Variants in PCDH1 observed in about 807,000 individuals in gnomAD.
PCDH1 encodes the protein protocadherin-1.
PCDH1 carries 23 observed loss-of-function variants against 74.6 expected under a neutral mutation model. The ratio of observed to expected loss-of-function variants is 0.31; its 90% CI spans 0.22 to 0.44. PCDH1 has a LOEUF of 0.44. Ranked by LOEUF, PCDH1 falls within the 20% of genes least tolerant of loss-of-function variation. PCDH1 has a pLI of 1.00. For missense variants in PCDH1, 1,214 were observed against 1,641.4 expected (o/e 0.74, Z 4.50); for synonymous variants, 647 against 686.1 (o/e 0.94, Z 0.89).
At position 141,868,057 on chromosome 5, in the gene PCDH1, C is replaced by T. The variant is rs1752927125; in HGVS notation, c.903+512G>A. Among the ~76,000 whole-genome samples the T allele has an allele frequency of 6.6e-6, 1 of 152,220 alleles. No homozygotes were observed. Among genetic ancestry groups the T allele is most frequent in the Non-Finnish European group, 1.5e-5 (1 of 68,022 alleles). ...CACCCTAGTATGTTTTTTCAGAACT[C>T]TGAGGGTCCCACCTGGCTAAAATGA... On this transcript the variant is annotated intron_variant, in intron 2 of 4. Coordinates refer to ENST00000287008, the MANE Select transcript of PCDH1 (RefSeq NM_032420.5). This position sits in a 1 kb window ranked among gnomAD's most constrained non-coding sequence, Gnocchi z 4.8.
At chr5:141,855,217 C>A (rs56143201) in intron 4 of PCDH1, among the ~76,000 whole-genome samples, 9 of 152,012 alleles carry the variant, frequency 5.9e-5, no homozygotes, top group African/African-American at 1.9e-4. Context: ...TCAAGCAATC[C>A]GCCTGCCTCA....
chr5:141,858,824 A>G (rs559814213), intron 3 of PCDH1, among the ~76,000 whole-genome samples: 1 of 152,084 alleles, frequency 6.6e-6, no homozygotes, highest in South Asian at 2.1e-4. Context: ...GTCTTACTCT[A>G]TAACTCTGGA....
rs750406198 is a variant in PCDH1, at chr5:141,868,719, C to T, written c.753G>A (p.Lys251=). The T allele has an allele frequency of 6.2e-7, 1 of 1,614,104 alleles. No individual in the cohort carries two copies. Among genetic ancestry groups the T allele is most frequent in the East Asian group, 2.2e-5 (1 of 44,862 alleles). ...ERWDSYDLTI[K]VQDGGSPPRA... is the part of the protein sequence containing the mutation. ...GTGGGGGGCTGCCGCCATCCTGCACCTTGATGGTGAGGTCATAGGAGTCCC... is the reference window on the plus strand; with the variant it reads ...GTGGGGGGCTGCCGCCATCCTGCACTTTGATGGTGAGGTCATAGGAGTCCC... The change falls in exon 2 of 5, where the codon AAG becomes AAA. Residue 251 remains lysine (K), a synonymous_variant. Transcript: ENST00000287008. This position sits in a 1 kb window ranked among gnomAD's most constrained non-coding sequence, Gnocchi z 4.8.
At chr5:141,867,367 G>A in intron 2 of PCDH1, 3 of 289,740 alleles carry the variant, frequency 1.0e-5, no homozygotes, top group South Asian at 9.2e-5. Flanking sequence ...ACTCTTGGCT[G>A]CGGCAAAGGT....
Position 141,857,482 on chromosome 5 carries a change from A to G in PCDH1, c.3100-11T>C. 1 of 1,610,498 alleles carries G rather than the reference A, an allele frequency of 6.2e-7. No individual in the cohort carries two copies. The highest frequency in any genetic ancestry group is 1.1e-5 in the South Asian group (1 of 90,506). Reference sequence around the variant, plus strand: ...GCGGCGGTGAGGTAACTGCAGGGAGACAGATTGTCACTACTGACCAGCCAG... The same window carrying G: ...GCGGCGGTGAGGTAACTGCAGGGAGGCAGATTGTCACTACTGACCAGCCAG... On this transcript the variant is annotated splice_polypyrimidine_tract_variant and intron_variant, in intron 3 of 4. Coordinates refer to ENST00000287008, the MANE Select transcript of PCDH1 (RefSeq NM_032420.5).
chr5:141,854,235 G>C lies in PCDH1; in HGVS notation c.3521C>G (p.Pro1174Arg). 6.2e-7 allele frequency: 1 copy of C among 1,611,882 alleles called. No homozygotes were observed. The highest frequency in any genetic ancestry group is 8.5e-7 in the Non-Finnish European group (1 of 1,178,932). ...QEPAGAGSPS[P>R]PEDRNTKTAP... Reference sequence around the variant, plus strand: ...CGTTTTGGTGTTCCGGTCTTCCGGGGGGCTGGGGCTGCCGGCGCCCGCAGG... The same window carrying C: ...CGTTTTGGTGTTCCGGTCTTCCGGGCGGCTGGGGCTGCCGGCGCCCGCAGG... The change falls in exon 5 of 5, where the codon CCC (proline) becomes CGC (arginine). Residue 1174 changes from proline to arginine, a missense_variant. Pro to Arg is a moderately radical substitution (Grantham distance 103, BLOSUM62 -2). Around this residue, in one of 4 missense-constraint regions of PCDH1, gnomAD observed 194 missense variants for 198.3 expected, o/e 0.98. Transcript: ENST00000287008.
In PCDH1 at chr5:141,865,577, G is replaced by A; in HGVS notation, c.904-150C>T. 2.1e-6 allele frequency: 2 copies of A among 930,938 alleles called. No individual in the cohort carries two copies. Among genetic ancestry groups the A allele is most frequent in the Non-Finnish European group, 3.2e-6 (2 of 616,282 alleles). 57.7% of individuals were successfully genotyped at this position (930,938 alleles called of 1,614,324 possible). A position where few individuals can be genotyped will look rare whatever the true frequency, so the allele number is the denominator to read the frequency against. ...CGCTCCCTTTCCAGAAGCCATGTGT[G>A]TCCTGCCTTTTCCCAATTCGGACAT... On this transcript the variant is annotated intron_variant, in intron 2 of 4. Coordinates refer to ENST00000287008, the MANE Select transcript of PCDH1 (RefSeq NM_032420.5). This position sits in a 1 kb window ranked among gnomAD's most constrained non-coding sequence, Gnocchi z 4.4.
chr5:141,878,247 C>T lies in PCDH1; in HGVS notation c.16G>A (p.Gly6Ser), dbSNP rs1426102538. 7.3e-7 allele frequency: 1 copy of T among 1,369,544 alleles called. No individual in the cohort carries two copies. Among genetic ancestry groups the T allele is most frequent in the Non-Finnish European group, 9.4e-7 (1 of 1,062,600 alleles). The allele number at this position is 1,369,544 out of a possible 1,614,324, so 84.8% of individuals were successfully genotyped here. MDSGA[G>S]GRRCPEAALL... ...CCCGCCTCCGGGCAGCGCCGGCCGC[C>T]CGCCCCGCTGTCCATGAGCCGCCGC... is the stretch of plus-strand genomic sequence containing the variant. The change falls in exon 1 of 5, where the codon GGC (glycine) becomes AGC (serine). Residue 6 changes from glycine (G) to serine (S), a missense_variant. Around this residue, in one of 4 missense-constraint regions of PCDH1, gnomAD observed 87 missense variants for 87.7 expected, o/e 0.99. Coordinates refer to ENST00000287008, the MANE Select transcript of PCDH1 (RefSeq NM_032420.5). This position sits in a 1 kb window ranked among gnomAD's most constrained non-coding sequence, Gnocchi z 5.5.
intron 4 of PCDH1, 118 bp downstream of exon 4, chr5:141,857,134 G>A (rs762026749): frequency 6.9e-5 from 55 of 801,910 alleles, no homozygotes; most frequent in Middle Eastern, 7.5e-4. Flanking sequence ...CCCTCAGCAC[G>A]GTGATGATGA....
intron 4 of PCDH1, 131 bp from the exon 5 acceptor site, chr5:141,854,567 C>T: frequency 1.2e-6 from 1 of 845,608 alleles, no homozygotes; most frequent in Non-Finnish European, 1.8e-6. Flanking sequence ...CCGCTGAACT[C>T]ACAGGCACAC....
In PCDH1 at chr5:141,868,552, C is replaced by CG; in HGVS notation, c.903+16dup. ...GTGGTGGGTCACCCTGACAGTTATA[C>CG]GGAGGGGGCCTCTCACCTGGATGAC... On this transcript the variant is annotated intron_variant, in intron 2 of 4. Coordinates refer to ENST00000287008, the MANE Select transcript of PCDH1 (RefSeq NM_032420.5). The surrounding 1 kb of genome is among the most constrained non-coding windows in gnomAD (Gnocchi z 4.8). The CG allele has an allele frequency of 6.6e-7, 1 of 1,522,122 alleles. No individual in the cohort carries two copies. The highest frequency in any genetic ancestry group is 8.8e-7 in the Non-Finnish European group (1 of 1,136,778). 94.3% of individuals were successfully genotyped at this position (1,522,122 alleles called of 1,614,324 possible). A position where few individuals can be genotyped will look rare whatever the true frequency, so the allele number is the denominator to read the frequency against.
At chr5:141,873,008 T>C (rs1753130515) in intron 1 of PCDH1, among the ~76,000 whole-genome samples, 1 of 152,108 alleles carries the variant, frequency 6.6e-6, no homozygotes, top group Admixed American at 6.6e-5. Flanking sequence ...CCCTTAGGAA[T>C]CTTTATTCAG....
rs554306320 is a variant in PCDH1, at chr5:141,864,861, G to A, written c.1470C>T (p.Asn490=). Residue 490 remains asparagine (N), a synonymous_variant, in exon 3 of 5, where the codon AAC becomes AAT. Transcript: ENST00000287008. The surrounding 1 kb of genome is among the most constrained non-coding windows in gnomAD (Gnocchi z 5.9). The part of the protein sequence containing the change: ...DSGNPPLSST[N]SLKVQVVDVN... The stretch of plus-strand genomic sequence containing the variant: ...CGTCCACCACCTGCACCTTGAGGGA[G>A]TTAGTGCTGGAGAGTGGGGGGTTGC... 6.2e-7 allele frequency: 1 copy of A among 1,614,200 alleles called. No individual in the cohort carries two copies. Among genetic ancestry groups the A allele is most frequent in the East Asian group, 2.2e-5 (1 of 44,888 alleles).
chr5:141,854,061 T>TGG lies in PCDH1; in HGVS notation c.3694_3695insCC (p.Lys1232ThrfsTer54). The TGG allele has an allele frequency of 2.0e-6, 3 of 1,506,598 alleles. No homozygotes were observed. The highest frequency in any genetic ancestry group is 4.9e-5 in the East Asian group (2 of 40,776). The allele number at this position is 1,506,598 out of a possible 1,614,324, so 93.3% of individuals were successfully genotyped here. A position where few individuals can be genotyped will look rare whatever the true frequency, so the allele number is the denominator to read the frequency against. ...GGGGGCTCACAGGTAGATCTCGCGC[T>TGG]TGGCCGTCTGGGCAGATGCCGGTGT... On this transcript the variant is annotated frameshift_variant, in exon 5 of 5. Transcript: ENST00000287008. LOFTEE classifies it high-confidence loss of function.
In PCDH1 at chr5:141,854,378, C is replaced by T; in HGVS notation, c.3378G>A (p.Glu1126=). Residue 1126 remains glutamate, a synonymous_variant, in exon 5 of 5, where the codon GAG becomes GAA. Coordinates refer to ENST00000287008, the MANE Select transcript of PCDH1 (RefSeq NM_032420.5). ...TCCAGCATGTGTCAGAGTGGCCAAA[C>T]TCACTGCACTCCCGGGTACATGTGC... ...MTGTCTRECS[E]FGHSDTCWMP... 6.2e-7 allele frequency: 1 copy of T among 1,613,444 alleles called. No homozygotes were observed. The highest frequency in any genetic ancestry group is 8.5e-7 in the Non-Finnish European group (1 of 1,179,942).
chr5:141,869,312 G>A lies in PCDH1; in HGVS notation c.160C>T (p.Pro54Ser), dbSNP rs368405112. Residue 54 changes from proline to serine, a missense_variant, in exon 2 of 5, where the codon CCA becomes TCA. This residue lies in a region of PCDH1 where 87 missense variants were observed against 87.7 expected (regional missense o/e 0.99). Coordinates refer to ENST00000287008, the MANE Select transcript of PCDH1 (RefSeq NM_032420.5). This position sits in a 1 kb window ranked among gnomAD's most constrained non-coding sequence, Gnocchi z 4.9. The part of the protein sequence containing the change: ...LALLLLLAPS[P>S]GHATRVVYKV... ...TACACTACCCGAGTGGCGTGGCCTG[G>A]GGATGGAGCCAGCAGGAGCAGCAGT... The A allele has an allele frequency of 3.1e-5, 49 of 1,601,688 alleles. No individual in the cohort carries two copies. Among genetic ancestry groups the A allele is most frequent in the Admixed American group, 8.7e-5 (5 of 57,584 alleles).
chr5:141,877,284 G>T (rs1487859474), intron 1 of PCDH1, among the ~76,000 whole-genome samples: 1 of 152,186 alleles, frequency 6.6e-6, no homozygotes, highest in Non-Finnish European at 1.5e-5. Flanking sequence ...ACCGTGAGGC[G>T]CTGCTGTAGG....
chr5:141,868,689 G>T lies in PCDH1; in HGVS notation c.783C>A (p.Ala261=). ...KVQDGGSPPR[A]SSALLRVTVL... is the part of the protein sequence containing the mutation. ...CGGTGACACGCAGCAGGGCACTGCTGGCGCGTGGGGGGCTGCCGCCATCCT... is the reference window on the plus strand; with the variant it reads ...CGGTGACACGCAGCAGGGCACTGCTTGCGCGTGGGGGGCTGCCGCCATCCT... The change falls in exon 2 of 5, where the codon GCC becomes GCA. Residue 261 remains alanine, a synonymous_variant. Transcript: ENST00000287008. This position sits in a 1 kb window ranked among gnomAD's most constrained non-coding sequence, Gnocchi z 4.8. The T allele has an allele frequency of 4.3e-6, 7 of 1,613,656 alleles. No homozygotes were observed. Among genetic ancestry groups the T allele is most frequent in the African/African-American group, 1.3e-5 (1 of 75,066 alleles).
rs528173391 is a variant in PCDH1, at chr5:141,866,072, A to G, written c.904-645T>C. The G allele has an allele frequency of 8.1e-5, 80 of 985,690 alleles. No individual in the cohort carries two copies. In the African/African-American group the frequency reaches 1.2e-3, roughly 15 times the overall value. 61.1% of individuals were successfully genotyped at this position (985,690 alleles called of 1,614,324 possible). A position where few individuals can be genotyped will look rare whatever the true frequency, so the allele number is the denominator to read the frequency against. On this transcript the variant is annotated intron_variant, in intron 2 of 4. Transcript: ENST00000287008. ...TTTGCACACATGAGTAAAGACTCACATGCCCATCTGAAGGCCCCAGGTTGG... is the reference window on the plus strand; with the variant it reads ...TTTGCACACATGAGTAAAGACTCACGTGCCCATCTGAAGGCCCCAGGTTGG...
Sources: allele counts gnomAD v4.1 joint callset (sites outside exome capture counted in the v4.1 genomes callset), GRCh38; gene constraint gnomAD v4.1.1; regional missense constraint gnomAD v4.1.1; non-coding constraint Gnocchi (gnomAD v3.1); transcripts MANE v1.5; gene names NCBI Gene and HGNC (gene_info 2026-07-23, HGNC 2026-07-21).